Variants in USP30 observed in about 807,000 individuals in gnomAD.
The protein encoded by USP30 is ubiquitin carboxyl-terminal hydrolase 30.
A neutral mutation model predicts 68.2 loss-of-function variants in USP30; 41 were observed. The ratio of observed to expected loss-of-function variants is 0.60; its 90% CI spans 0.47 to 0.78. The LOEUF is 0.78. Among genes scored for constraint, USP30 ranks in the 30% least tolerant of loss-of-function variants. The pLI is 0.00. For missense variants in USP30, 522 were observed against 649.4 expected, an observed-to-expected ratio of 0.80 and a Z score of 2.13; for synonymous variants, 229 against 253.7, an observed-to-expected ratio of 0.90 and a Z score of 0.93.
At chr12:109,052,895 T>C (rs187642498) in intron 1 of USP30, 134 bp downstream of exon 1, 2 of 946,858 alleles carry the variant, frequency 2.1e-6, no homozygotes, top group East Asian at 3.3e-5. Flanking sequence ...CTGCGTCCTT[T>C]AGGGTTGGAG....
chr12:109,039,409 C>T (rs2040546569), intron 3 of USP30, among the ~76,000 whole-genome samples: 1 of 152,102 alleles, frequency 6.6e-6, no homozygotes, highest in African/African-American at 2.4e-5. Context: ...GGAGATAGGG[C>T]TTGTGTTCTA....
chr12:109,054,611 A>T (rs1044316326), intron 1 of USP30: 1 of 152,384 alleles, frequency 6.6e-6, no homozygotes, highest in African/African-American at 2.4e-5. Context: ...CTTAATTTGT[A>T]GCAGCTAACA....
chr12:109,063,162 C>T (rs1194773138), intron 3 of USP30, among the ~76,000 whole-genome samples: 1 of 151,986 alleles, frequency 6.6e-6, no homozygotes, highest in African/African-American at 2.4e-5. Flanking sequence ...CGCAGTGGTG[C>T]GATCTTAGCT....
intron 1 of USP30, among the ~76,000 whole-genome samples, chr12:109,055,401 T>TATATATACATATATATATATATATACATA (rs61062424): frequency 2.4e-4 from 7 of 29,632 alleles, no homozygotes; most frequent in Non-Finnish European, 3.2e-4. Context: ...TATATATATA[T>TATATATACATATATATATATATATACATA]TTTTTTTTTT....
chr12:109,071,022 C>T (rs1009662033), intron 4 of USP30, among the ~76,000 whole-genome samples: 2 of 152,176 alleles, frequency 1.3e-5, no homozygotes, highest in Non-Finnish European at 2.9e-5. Context: ...GAAAATAAGC[C>T]AGTCACAAAG....
chr12:109,072,007 G>C (rs1026007562), intron 5 of USP30, among the ~76,000 whole-genome samples: 3 of 152,198 alleles, frequency 2.0e-5, no homozygotes, highest in African/African-American at 7.2e-5. Context: ...AATGCTAAGT[G>C]AGCCCTCATT....
chr12:109,066,666 CA>C (rs775901924), intron 3 of USP30, among the ~76,000 whole-genome samples: 85 of 152,110 alleles, frequency 5.6e-4, no homozygotes, highest in Non-Finnish European at 1.0e-3. Context: ...CCCTGGGCGA[CA>C]GAGCACGACT....
In USP30 at chr12:109,079,339, C is replaced by CTTTTTTTTTTTTTTTTTT. The variant is rs750712233; in HGVS notation, c.721-1984_721-1983insTTTTTTTTTTTTTTTTTT. ...TTTTCTCTTTTTTTCTTTTCTTTTT[C>CTTTTTTTTTTTTTTTTTT]TTTTTTTTTTTCTTTTTTTTTTTTT... On this transcript the variant is annotated intron_variant, in intron 7 of 12. Transcript: ENST00000257548. Among the ~76,000 whole-genome samples the CTTTTTTTTTTTTTTTTTT allele has an allele frequency of 1.6e-3, 100 of 62,284 alleles. 1 individual carries two copies. The highest frequency in any genetic ancestry group is 0.012 in the Middle Eastern group (1 of 84). The allele number at this position is 62,284 out of a possible 152,430, so 40.9% of individuals were successfully genotyped here.
intron 3 of USP30, among the ~76,000 whole-genome samples, chr12:109,035,359 T>C (rs2040511187): frequency 6.6e-6 from 1 of 151,892 alleles, no homozygotes; most frequent in Non-Finnish European, 1.5e-5. Context: ...TATTTTATTT[T>C]ATTTTATTTT....
At position 109,086,568 on chromosome 12, in the gene USP30, G is replaced by A. The variant is rs1296837472; in HGVS notation, c.*637G>A. ...TCATCTGCCAAATCTGCCCCCTGGG[G>A]AAACTCTTTCACTACTTTGTCAGTT... On this transcript the variant is annotated 3_prime_UTR_variant, in exon 13 of 13. Coordinates refer to ENST00000257548, the MANE Select transcript of USP30 (RefSeq NM_032663.5). 6.6e-6 allele frequency: 1 copy of A among 152,382 alleles called. No individual in the cohort carries two copies. The highest frequency in any genetic ancestry group is 1.9e-4 in the East Asian group (1 of 5,202). 9.4% of individuals were successfully genotyped at this position (152,382 alleles called of 1,614,324 possible). A position where few individuals can be genotyped will look rare whatever the true frequency, so the allele number is the denominator to read the frequency against.
chr12:109,081,637 A>G lies in USP30; in HGVS notation c.780+244A>G, dbSNP rs995062439. 1.8e-3 allele frequency: 1,041 copies of G among 578,212 alleles called. 7 individuals are homozygous for G. The highest frequency in any genetic ancestry group is 0.016 in the African/African-American group (866 of 53,250). The allele number at this position is 578,212 out of a possible 1,614,324, so 35.8% of individuals were successfully genotyped here. ...CACGCATGCGCGCACACACACACACACACACACACACACACACACACACAC... is the reference window on the plus strand; with the variant it reads ...CACGCATGCGCGCACACACACACACGCACACACACACACACACACACACAC... On this transcript the variant is annotated intron_variant, in intron 8 of 12. Transcript: ENST00000257548.
intron 3 of USP30, among the ~76,000 whole-genome samples, chr12:109,062,913 C>G (rs1317288919): frequency 4.6e-5 from 7 of 152,106 alleles, no homozygotes; most frequent in Non-Finnish European, 1.0e-4. Flanking sequence ...TACTTTCTCT[C>G]TCTTTGAATT....
At chr12:109,062,127 G>A (rs145261386) in intron 3 of USP30, among the ~76,000 whole-genome samples, 12 of 152,012 alleles carry the variant, frequency 7.9e-5, no homozygotes, top group Non-Finnish European at 1.5e-4. Flanking sequence ...TAGAGATGGG[G>A]TTTCACACTG....
chr12:109,047,194 C>T (rs981410121), intron 3 of USP30, among the ~76,000 whole-genome samples: 29 of 151,992 alleles, frequency 1.9e-4, no homozygotes, highest in African/African-American at 6.8e-4. Context: ...CCGAGGAAAC[C>T]CTTCTTATGT....
intron 3 of USP30, among the ~76,000 whole-genome samples, chr12:109,031,530 A>T: frequency 6.6e-6 from 1 of 152,274 alleles, no homozygotes; most frequent in South Asian, 2.1e-4. Context: ...ACAGGGACTC[A>T]AACAAAAACG....
At position 109,059,616 on chromosome 12, in the gene USP30, C is replaced by T. The variant is rs184773921; in HGVS notation, c.376+1508C>T. On this transcript the variant is annotated intron_variant, in intron 3 of 12. Coordinates refer to ENST00000257548, the MANE Select transcript of USP30 (RefSeq NM_032663.5). The stretch of plus-strand genomic sequence containing the variant: ...GCAACCTCCGCCTCCCGGGTTCAAG[C>T]GATTCTTCTGCTTCAGCCTCCCTAG... Among the ~76,000 whole-genome samples, 729 of 152,254 alleles carry T rather than the reference C, an allele frequency of 4.8e-3. 7 individuals are homozygous for T. Among genetic ancestry groups the T allele is most frequent in the African/African-American group, 0.017 (694 of 41,540 alleles).
At chr12:109,078,851 G>GGGTTGACAGTGTTGCCGTGGTTT (rs1197217406) in intron 7 of USP30, among the ~76,000 whole-genome samples, 7 of 152,114 alleles carry the variant, frequency 4.6e-5, no homozygotes, top group Non-Finnish European at 7.4e-5. Flanking sequence ...ATAGAACTTT[G>GGGTTGACAGTGTTGCCGTGGTTT]GGTTGACAGT....
chr12:109,034,393 T>C (rs1291083451), intron 3 of USP30, among the ~76,000 whole-genome samples: 1 of 152,194 alleles, frequency 6.6e-6, no homozygotes, highest in Non-Finnish European at 1.5e-5. Context: ...TAATATATGG[T>C]CTATCTTGAG....
intron 1 of USP30, 48 bp downstream of exon 1, chr12:109,052,809 C>A: frequency 7.1e-7 from 1 of 1,405,886 alleles, no homozygotes. Context: ...GACCAGGGTC[C>A]CCAGCTTGGG....
Sources: allele counts gnomAD v4.1 joint callset (sites outside exome capture counted in the v4.1 genomes callset), GRCh38; gene constraint gnomAD v4.1.1; transcripts MANE v1.5; gene names NCBI Gene and HGNC (gene_info 2026-07-23, HGNC 2026-07-21).